MCTP1: variants seen among roughly 807,000 people sequenced by gnomAD.
MCTP1 encodes the protein multiple C2 and transmembrane domain containing 1, also known as multiple C2 and transmembrane domain-containing protein 1.
MCTP1 carries 69 observed loss-of-function variants against 120.6 expected under a neutral mutation model. The observed-to-expected ratio is 0.57, with a 90% CI of 0.47 to 0.70. The LOEUF is 0.70. Among genes scored for constraint, MCTP1 ranks in the 30% least tolerant of loss-of-function variants. MCTP1 has a pLI of 0.00. For synonymous variants in MCTP1, 529 were observed against 493.1 expected (o/e 1.07, Z -0.96); for missense variants, 1,203 against 1,248.8 (o/e 0.96, Z 0.55).
intron 2 of MCTP1, among the ~76,000 whole-genome samples, chr5:94,991,860 A>G (rs766794589): frequency 3.5e-4 from 51 of 146,276 alleles, no homozygotes; most frequent in Non-Finnish European, 6.6e-4. Context: ...CTGGGAAACA[A>G]GAGTGAAACT....
At chr5:94,957,720 C>T (rs571440026) in intron 2 of MCTP1, among the ~76,000 whole-genome samples, 2 of 152,252 alleles carry the variant, frequency 1.3e-5, no homozygotes, top group African/African-American at 4.8e-5. Context: ...GAAGAGCTAA[C>T]TATCCTCAAT....
At chr5:95,136,076 C>G (rs1329930157) in intron 1 of MCTP1, among the ~76,000 whole-genome samples, 1 of 152,288 alleles carries the variant, frequency 6.6e-6, no homozygotes, top group South Asian at 2.1e-4. Flanking sequence ...ATAGCATCAG[C>G]CTTCTACCTT....
At chr5:95,274,600 C>T (rs971547605) in intron 1 of MCTP1, among the ~76,000 whole-genome samples, 2 of 151,496 alleles carry the variant, frequency 1.3e-5, no homozygotes, top group Non-Finnish European at 2.9e-5. Flanking sequence ...ATTTCCAACA[C>T]TTTCTCCTTC....
chr5:95,046,231 T>C (rs1226056122), intron 1 of MCTP1, among the ~76,000 whole-genome samples: 3 of 152,122 alleles, frequency 2.0e-5, no homozygotes, highest in African/African-American at 4.8e-5. Context: ...ATTGCTATTA[T>C]TACCTTAAAA....
chr5:94,968,306 C>T (rs887063222), intron 2 of MCTP1, among the ~76,000 whole-genome samples: 2 of 152,068 alleles, frequency 1.3e-5, no homozygotes, highest in African/African-American at 4.8e-5. Flanking sequence ...AATAATTGAA[C>T]GTTCACTATG....
intron 19 of MCTP1, among the ~76,000 whole-genome samples, chr5:94,766,886 G>T (rs1001808895): frequency 1.3e-5 from 2 of 152,032 alleles, no homozygotes; most frequent in Non-Finnish European, 2.9e-5. Context: ...TTTTCAAACT[G>T]TTTCAAACAA....
At chr5:94,886,445 A>T (rs1801350908) in intron 12 of MCTP1, among the ~76,000 whole-genome samples, 1 of 152,202 alleles carries the variant, frequency 6.6e-6, no homozygotes, top group African/African-American at 2.4e-5. Flanking sequence ...GTTTAACTTT[A>T]TGTTCAGATC....
At chr5:95,236,582 T>A (rs1345440830) in intron 1 of MCTP1, among the ~76,000 whole-genome samples, 1 of 152,198 alleles carries the variant, frequency 6.6e-6, no homozygotes, top group Non-Finnish European at 1.5e-5. Context: ...TTATATATAG[T>A]CTTTGCTGAT....
At chr5:94,876,251 C>A (rs72775372) in intron 12 of MCTP1, among the ~76,000 whole-genome samples, 2 of 152,046 alleles carry the variant, frequency 1.3e-5, no homozygotes, top group Non-Finnish European at 2.9e-5. Flanking sequence ...TAGTGATGGA[C>A]CTAACCATTA....
chr5:95,096,558 G>A (rs897266789), intron 1 of MCTP1, among the ~76,000 whole-genome samples: 7 of 152,076 alleles, frequency 4.6e-5, no homozygotes, highest in African/African-American at 1.4e-4. Flanking sequence ...CAAGAGAAAG[G>A]GGAAAGCAAA....
chr5:95,140,663 C>G lies in MCTP1; in HGVS notation c.721-123179G>C, dbSNP rs540589890. ...CACGAGGCAGGAGATCGAGACCATC[C>G]TGGCTAACACCGTGAAACCCTGTCC... On this transcript the variant is annotated intron_variant, in intron 1 of 22. Transcript: ENST00000515393. Among the ~76,000 whole-genome samples the G allele has an allele frequency of 7.5e-5, 10 of 133,334 alleles. No individual in the cohort carries two copies. In the East Asian group the frequency reaches 2.3e-3, roughly 30 times the overall value. 87.5% of individuals were successfully genotyped at this position (133,334 alleles called of 152,430 possible).
intron 1 of MCTP1, among the ~76,000 whole-genome samples, chr5:95,207,100 T>C (rs188063973): frequency 6.6e-6 from 1 of 152,242 alleles, no homozygotes; most frequent in East Asian, 1.9e-4. Flanking sequence ...CAGGAAAAAA[T>C]GTTTTGTGAA....
intron 17 of MCTP1, among the ~76,000 whole-genome samples, chr5:94,810,482 C>T (rs1783171886): frequency 6.6e-6 from 1 of 152,150 alleles, no homozygotes. Context: ...GAAACTCCCT[C>T]TGTTCTCTAT....
At chr5:95,245,001 G>A (rs907857469) in intron 1 of MCTP1, among the ~76,000 whole-genome samples, 2 of 152,192 alleles carry the variant, frequency 1.3e-5, no homozygotes, top group African/African-American at 4.8e-5. Context: ...AATATTAGCT[G>A]TTCTGCAGCC....
intron 15 of MCTP1, 44 bp downstream of exon 15, chr5:94,870,828 A>T (rs1581125147): frequency 7.9e-7 from 1 of 1,262,378 alleles, no homozygotes; most frequent in Middle Eastern, 1.9e-4. Context: ...CTTTCATGAA[A>T]CTGAACTCTT....
intron 1 of MCTP1, among the ~76,000 whole-genome samples, chr5:95,023,325 T>C (rs537367256): frequency 3.0e-3 from 458 of 152,322 alleles, no homozygotes; most frequent in Non-Finnish European, 5.7e-3. Flanking sequence ...CTAGAAATTA[T>C]TTAAAAGGAT....
At chr5:95,253,393 T>C in intron 1 of MCTP1, among the ~76,000 whole-genome samples, 1 of 152,186 alleles carries the variant, frequency 6.6e-6, no homozygotes, top group Non-Finnish European at 1.5e-5. Context: ...GTTTAATAAT[T>C]CCATTCAAAA....
chr5:95,151,280 G>A (rs550976446), intron 1 of MCTP1, among the ~76,000 whole-genome samples: 8 of 151,128 alleles, frequency 5.3e-5, no homozygotes, highest in African/African-American at 1.2e-4. Flanking sequence ...CACCACACCC[G>A]GCCAGAAAAT....
At chr5:95,069,210 C>G (rs1036891220) in intron 1 of MCTP1, among the ~76,000 whole-genome samples, 1 of 152,182 alleles carries the variant, frequency 6.6e-6, no homozygotes, top group African/African-American at 2.4e-5. Flanking sequence ...CAAGGACTGT[C>G]AAATTATTGG....
Sources: gnomAD v4.1 joint callset for allele counts (sites outside exome capture counted in the v4.1 genomes callset) on GRCh38, gnomAD v4.1.1 for gene constraint, MANE v1.5 for transcripts, NCBI Gene and HGNC (gene_info 2026-07-23, HGNC 2026-07-21) for gene names.